Variants in CTNNA2 observed in about 807,000 individuals in gnomAD.
The protein encoded by CTNNA2 is catenin alpha 2, also known as catenin alpha-2.
CTNNA2 carries 42 observed loss-of-function variants against 101.0 expected under a neutral mutation model. The ratio of observed to expected loss-of-function variants is 0.42; its 90% CI spans 0.32 to 0.54. The LOEUF (loss-of-function observed/expected upper bound fraction) is 0.54. CTNNA2 is among the 20% of genes least tolerant of loss of function. The probability of loss-of-function intolerance (pLI) is 0.14; values close to 1 mark genes in which losing one functional copy is unlikely to be tolerated. For missense variants in CTNNA2, 871 were observed against 1,223.1 expected, an observed-to-expected ratio of 0.71 and a Z score of 4.29; for synonymous variants, 450 against 456.4, an observed-to-expected ratio of 0.99 and a Z score of 0.18.
chr2:79,352,118 T>C (rs1677402223), intron 3 of CTNNA2, among the ~76,000 whole-genome samples: 1 of 152,224 alleles, frequency 6.6e-6, no homozygotes, highest in Non-Finnish European at 1.5e-5. Flanking sequence ...ATAGCCATTC[T>C]GATTGGTGTG....
intron 8 of CTNNA2, among the ~76,000 whole-genome samples, chr2:80,396,081 T>C (rs2149371670): frequency 6.6e-6 from 1 of 152,170 alleles, no homozygotes; most frequent in East Asian, 1.9e-4. Flanking sequence ...TGAAAGAAAG[T>C]GGAATTAGAC....
At chr2:80,197,667 GC>G (rs1706922949) in intron 7 of CTNNA2, among the ~76,000 whole-genome samples, 1 of 152,030 alleles carries the variant, frequency 6.6e-6, no homozygotes, top group African/African-American at 2.4e-5. Flanking sequence ...CTACTGTAGA[GC>G]CATCACCAAG....
intron 2 of CTNNA2, among the ~76,000 whole-genome samples, chr2:79,723,950 G>T (rs750772972): frequency 6.6e-6 from 1 of 152,080 alleles, no homozygotes; most frequent in Non-Finnish European, 1.5e-5. Context: ...CTCAGCTACT[G>T]CCTTGGTCTT....
At chr2:80,304,957 G>T in intron 7 of CTNNA2, 1 of 533,888 alleles carries the variant, frequency 1.9e-6, no homozygotes, top group Non-Finnish European at 2.4e-6. Flanking sequence ...TGGAGGTAGG[G>T]GTAGCATCAT....
At chr2:79,811,586 T>C (rs1677043547) in intron 3 of CTNNA2, among the ~76,000 whole-genome samples, 1 of 152,202 alleles carries the variant, frequency 6.6e-6, no homozygotes, top group African/African-American at 2.4e-5. Context: ...TCAATTTATA[T>C]GTCCATACCT....
intron 7 of CTNNA2, among the ~76,000 whole-genome samples, chr2:80,293,882 G>T (rs1325066244): frequency 6.6e-6 from 1 of 152,192 alleles, no homozygotes. Flanking sequence ...CTTTGGCAAA[G>T]AAAAGAGTGT....
chr2:79,234,164 G>C (rs1296461936), intron 2 of CTNNA2, among the ~76,000 whole-genome samples: 1 of 151,646 alleles, frequency 6.6e-6, no homozygotes, highest in African/African-American at 2.4e-5. Context: ...GAGTATTTTT[G>C]AGGTAGGTTT....
chr2:79,641,051 T>C (rs2104417881), intron 1 of CTNNA2, among the ~76,000 whole-genome samples: 1 of 152,318 alleles, frequency 6.6e-6, no homozygotes, highest in South Asian at 2.1e-4. Context: ...GAACCATGTG[T>C]TGTAATGTTA....
At chr2:79,811,504 G>A (rs879289346) in intron 3 of CTNNA2, among the ~76,000 whole-genome samples, 43 of 151,892 alleles carry the variant, frequency 2.8e-4, no homozygotes, top group Non-Finnish European at 4.9e-4. Flanking sequence ...AGTTTCTTTC[G>A]CCTTTTCACC....
At chr2:79,902,246 A>G (rs934830611) in intron 6 of CTNNA2, among the ~76,000 whole-genome samples, 1 of 152,158 alleles carries the variant, frequency 6.6e-6, no homozygotes, top group African/African-American at 2.4e-5. Flanking sequence ...CAATTAGTGC[A>G]GTGGCTAAGA....
chr2:80,542,438 T>A (rs995317993), intron 9 of CTNNA2, among the ~76,000 whole-genome samples: 15 of 152,118 alleles, frequency 9.9e-5, no homozygotes, highest in African/African-American at 1.7e-4. Context: ...CCTTTTCTTT[T>A]TTTGGCAAGA....
chr2:80,403,935 A>C (rs1157791740), intron 8 of CTNNA2, among the ~76,000 whole-genome samples: 1 of 152,236 alleles, frequency 6.6e-6, no homozygotes, highest in Non-Finnish European at 1.5e-5. Context: ...ATGTTGAACC[A>C]GCCTTGCAAC....
At chr2:79,842,274 T>A (rs1203594811) in intron 3 of CTNNA2, among the ~76,000 whole-genome samples, 2 of 152,216 alleles carry the variant, frequency 1.3e-5, no homozygotes, top group East Asian at 3.8e-4. Flanking sequence ...TAGATTAAAA[T>A]CCTCATTCCA....
chr2:79,563,188 T>TATATATATATATATATATATATATATA (rs1491331448), intron 1 of CTNNA2, among the ~76,000 whole-genome samples: 3 of 42,318 alleles, frequency 7.1e-5, no homozygotes, highest in African/African-American at 1.6e-4. Flanking sequence ...TATATATATA[T>TATATATATATATATATATATATATATA]TTTCCTTCAT....
At chr2:79,958,944 T>A (rs1314754485) in intron 7 of CTNNA2, among the ~76,000 whole-genome samples, 2 of 152,196 alleles carry the variant, frequency 1.3e-5, no homozygotes, top group Non-Finnish European at 2.9e-5. Context: ...CACAGCTGGA[T>A]CCTGATAAAA....
chr2:80,000,966 G>A (rs1345608387), intron 7 of CTNNA2, among the ~76,000 whole-genome samples: 1 of 152,136 alleles, frequency 6.6e-6, no homozygotes, highest in Non-Finnish European at 1.5e-5. Flanking sequence ...CTAGGCTCAG[G>A]GTAGATGCTT....
At chr2:79,568,976 G>T (rs1338515173) in intron 1 of CTNNA2, among the ~76,000 whole-genome samples, 1 of 151,798 alleles carries the variant, frequency 6.6e-6, no homozygotes, top group Non-Finnish European at 1.5e-5. Flanking sequence ...AAAGGTTGCA[G>T]TGAGGTGAGA....
In CTNNA2 at chr2:80,303,246, T is replaced by C. The variant is rs1676541229; in HGVS notation, c.1057-89965T>C. ...AGACTCTTGAGCTGATTGTATCCGA[T>C]GTCGAGAAACTTGAGGCTGCGGCAG... On this transcript the variant is annotated intron_variant, in intron 7 of 18. Coordinates refer to ENST00000402739, the MANE Select transcript of CTNNA2 (RefSeq NM_001282597.3). This position sits in a 1 kb window ranked among gnomAD's most constrained non-coding sequence, Gnocchi z 7.7. 1 of 1,613,542 alleles carries C rather than the reference T, an allele frequency of 6.2e-7. No individual in the cohort carries two copies. The highest frequency in any genetic ancestry group is 8.5e-7 in the Non-Finnish European group (1 of 1,179,960).
At chr2:80,571,258 C>A (rs984514017) in intron 12 of CTNNA2, among the ~76,000 whole-genome samples, 2 of 152,168 alleles carry the variant, frequency 1.3e-5, no homozygotes, top group African/African-American at 4.8e-5. Flanking sequence ...GTTACTAAGG[C>A]AGAATATTAA....
Sources: allele counts gnomAD v4.1 joint callset (sites outside exome capture counted in the v4.1 genomes callset), GRCh38; gene constraint gnomAD v4.1.1; non-coding constraint Gnocchi (gnomAD v3.1); transcripts MANE v1.5; gene names NCBI Gene and HGNC (gene_info 2026-07-23, HGNC 2026-07-21).